C6: variants seen among roughly 807,000 people sequenced by gnomAD.
The protein encoded by C6 is complement component C6.
In C6, 101 loss-of-function variants were observed where a neutral mutation model predicts 112.9. The observed-to-expected ratio is 0.89, with a 90% CI of 0.76 to 1.06. C6 has a LOEUF of 1.06. C6 is among the 50% of genes least tolerant of loss of function. The probability of loss-of-function intolerance (pLI) is 0.00; values close to 1 mark genes in which losing one functional copy is unlikely to be tolerated. For missense variants in C6, 1,202 were observed against 1,104.6 expected, an observed-to-expected ratio of 1.09 and a Z score of -1.25; for synonymous variants, 431 against 384.1, an observed-to-expected ratio of 1.12 and a Z score of -1.43.
At chr5:41,175,037 C>T (rs1231010247) in intron 8 of C6, among the ~76,000 whole-genome samples, 1 of 152,186 alleles carries the variant, frequency 6.6e-6, no homozygotes, top group Admixed American at 6.5e-5. Flanking sequence ...ATACATCTTA[C>T]TGAGAGCTTG....
At chr5:41,246,375 C>A in intron 1 of C6, among the ~76,000 whole-genome samples, 1 of 152,216 alleles carries the variant, frequency 6.6e-6, no homozygotes, top group East Asian at 1.9e-4. Context: ...TACATCCTCA[C>A]TGATGCCTTC....
In C6 at chr5:41,181,573, C is replaced by T; in HGVS notation, c.727-14G>A. ...TGCAGTTTGTACCTGGAGAAAAATC[C>T]ATGTAAAATAAAATATAATTTAGGA... On this transcript the variant is annotated splice_polypyrimidine_tract_variant and intron_variant, in intron 6 of 17. Coordinates refer to ENST00000337836, the MANE Select transcript of C6 (RefSeq NM_000065.5). The T allele has an allele frequency of 6.3e-7, 1 of 1,599,754 alleles. No homozygotes were observed. Among genetic ancestry groups the T allele is most frequent in the Non-Finnish European group, 8.6e-7 (1 of 1,168,388 alleles).
intron 1 of C6, among the ~76,000 whole-genome samples, chr5:41,241,488 A>T (rs1418593009): frequency 1.3e-5 from 2 of 152,214 alleles, no homozygotes; most frequent in Non-Finnish European, 2.9e-5. Context: ...GATTCCCTGG[A>T]CATAGACTAA....
At chr5:41,243,716 T>C (rs940964805) in intron 1 of C6, among the ~76,000 whole-genome samples, 2 of 152,318 alleles carry the variant, frequency 1.3e-5, no homozygotes, top group East Asian at 1.9e-4. Flanking sequence ...TCTCTGCTAC[T>C]CTCTGCCTGA....
chr5:41,235,547 G>A (rs1218991665), intron 1 of C6, among the ~76,000 whole-genome samples: 1 of 144,384 alleles, frequency 6.9e-6, no homozygotes, highest in African/African-American at 2.6e-5. Context: ...ACGTGTGCAT[G>A]TGTCTTTATA....
At chr5:41,206,340 G>C (rs909497440) in intron 1 of C6, among the ~76,000 whole-genome samples, 1 of 152,186 alleles carries the variant, frequency 6.6e-6, no homozygotes. Context: ...GCAGCTCCTT[G>C]CATGTAAAGG....
chr5:41,155,400 C>T (rs188326920), intron 13 of C6, among the ~76,000 whole-genome samples: 1 of 152,138 alleles, frequency 6.6e-6, no homozygotes, highest in Admixed American at 6.6e-5. Flanking sequence ...TGAAAACTTG[C>T]TCCCCTGCTG....
intron 1 of C6, chr5:41,203,667 T>C (rs1025389451): frequency 1.1e-5 from 2 of 182,426 alleles, no homozygotes; most frequent in African/African-American, 4.7e-5. Context: ...GAAAGAAGTT[T>C]GGATCATTCT....
upstream of C6, among the ~76,000 whole-genome samples, chr5:41,215,716 G>A (rs1474199148): frequency 6.6e-6 from 1 of 152,134 alleles, no homozygotes; most frequent in African/African-American, 2.4e-5. Context: ...GACATGGAGA[G>A]TTAAGATGGA....
intron 1 of C6, among the ~76,000 whole-genome samples, chr5:41,242,069 T>C (rs1740744797): frequency 6.6e-6 from 1 of 152,178 alleles, no homozygotes; most frequent in African/African-American, 2.4e-5. Context: ...TCCTCATTAA[T>C]TGGCATAGGA....
At position 41,145,079 on chromosome 5, in the gene C6, T is replaced by C. The variant is rs1435028377; in HGVS notation, c.2624-2073A>G. Among the ~76,000 whole-genome samples the C allele has an allele frequency of 2.6e-5, 4 of 152,236 alleles. No individual in the cohort carries two copies. In the East Asian group the frequency reaches 7.7e-4, roughly 29 times the overall value. On this transcript the variant is annotated intron_variant, in intron 17 of 17. Coordinates refer to ENST00000337836, the MANE Select transcript of C6 (RefSeq NM_000065.5). ...TGTATCTCTATGATAGAATGATTTA[T>C]ACCCCTTTGGGTATATACCCAGTAA...
intron 1 of C6, among the ~76,000 whole-genome samples, chr5:41,235,197 G>A (rs112895354): frequency 0.073 from 10,313 of 140,850 alleles, 655 homozygotes; most frequent in African/African-American, 0.16. Flanking sequence ...TCTAGCATTA[G>A]GTATATCTCC....
At chr5:41,257,146 G>A (rs1399284502) in intron 1 of C6, among the ~76,000 whole-genome samples, 1 of 152,046 alleles carries the variant, frequency 6.6e-6, no homozygotes, top group African/African-American at 2.4e-5. Flanking sequence ...GTAAGCATAG[G>A]TAGTTTTTTG....
chr5:41,172,838 C>G (rs1034744170), intron 8 of C6, among the ~76,000 whole-genome samples: 5 of 152,152 alleles, frequency 3.3e-5, no homozygotes, highest in Non-Finnish European at 7.4e-5. Context: ...AATTGCTTCC[C>G]TGTTTGTCAC....
intron 1 of C6, among the ~76,000 whole-genome samples, chr5:41,257,652 G>T (rs185229993): frequency 6.6e-6 from 1 of 152,030 alleles, no homozygotes; most frequent in Non-Finnish European, 1.5e-5. Context: ...AGAAGCCATC[G>T]GAATAGAAAG....
At chr5:41,216,149 A>T (rs1351889177), upstream of C6, among the ~76,000 whole-genome samples, 1 of 152,102 alleles carries the variant, frequency 6.6e-6, no homozygotes, top group Non-Finnish European at 1.5e-5. Flanking sequence ...TTTCCTACTA[A>T]AATTATTAGA....
intron 1 of C6, among the ~76,000 whole-genome samples, chr5:41,229,224 G>A (rs928771498): frequency 6.6e-6 from 1 of 151,572 alleles, no homozygotes. Flanking sequence ...CTTCTGCTAA[G>A]TTTGAGTTTA....
rs142189328 is a variant in C6, at chr5:41,205,060, A to G, written c.-20-1810T>C. ...TCAATTTAAAATGGAATGAACACAC[A>G]TTTGGGTATTCATTGTATGCTGCTA... is the stretch of plus-strand genomic sequence containing the variant. On this transcript the variant is annotated intron_variant, in intron 1 of 17. Transcript: ENST00000337836. 1.4e-4 allele frequency among the ~76,000 whole-genome samples: 22 copies of G among 152,330 alleles called. No homozygotes were observed. The East Asian group carries it at 3.7e-3, about 25-fold the overall frequency.
intron 1 of C6, among the ~76,000 whole-genome samples, chr5:41,260,813 C>T (rs1250210071): frequency 1.3e-5 from 2 of 151,710 alleles, no homozygotes; most frequent in East Asian, 1.9e-4. Flanking sequence ...CAAAAAAACC[C>T]CTGCAACTTC....
Sources: allele counts gnomAD v4.1 joint callset (sites outside exome capture counted in the v4.1 genomes callset), GRCh38; gene constraint gnomAD v4.1.1; transcripts MANE v1.5; gene names NCBI Gene and HGNC (gene_info 2026-07-23, HGNC 2026-07-21).